ANO2: variants seen among roughly 807,000 people sequenced by gnomAD.
ANO2 encodes anoctamin-2.
A neutral mutation model predicts 124.2 loss-of-function variants in ANO2; 101 were observed. The observed-to-expected ratio is 0.81, with a 90% CI of 0.69 to 0.96. The LOEUF (loss-of-function observed/expected upper bound fraction) is 0.96. ANO2 is among the 40% of genes least tolerant of loss of function. The pLI, the probability that ANO2 is intolerant of heterozygous loss-of-function variation, is 0.00. For synonymous variants in ANO2, 486 were observed against 482.5 expected (o/e 1.01, Z -0.09); for missense variants, 1,293 against 1,274.5 (o/e 1.01, Z -0.22).
rs1386723467 is a variant in ANO2, at chr12:5,799,434, CAAA to C, written c.1055+70_1055+72del. On this transcript the variant is annotated intron_variant, in intron 10 of 24. Coordinates refer to ENST00000682330, the MANE Select transcript of ANO2 (RefSeq NM_001364791.2). Reference sequence around the variant, plus strand: ...CACTTGAGCAAAGGACTGTCAGAGTCAAAAGGTTTATGATACATCTTTCAGGAC... The same window carrying C: ...CACTTGAGCAAAGGACTGTCAGAGTCAGGTTTATGATACATCTTTCAGGAC... 6.9e-6 allele frequency: 9 copies of C among 1,312,962 alleles called. No homozygotes were observed. In the African/African-American group the frequency reaches 1.2e-4, roughly 17 times the overall value. 81.3% of individuals were successfully genotyped at this position (1,312,962 alleles called of 1,614,324 possible).
intron 3 of ANO2, among the ~76,000 whole-genome samples, chr12:5,903,160 T>C (rs1312332883): frequency 6.6e-6 from 1 of 151,720 alleles, no homozygotes; most frequent in South Asian, 2.1e-4. Context: ...TGCTGGTCTG[T>C]AAAGCCAGGC....
chr12:5,663,701 G>T (rs1397497418), intron 14 of ANO2, among the ~76,000 whole-genome samples: 1 of 152,018 alleles, frequency 6.6e-6, no homozygotes, highest in Non-Finnish European at 1.5e-5. Context: ...TCCTACTCTA[G>T]ACACCAGCCC....
intron 19 of ANO2, among the ~76,000 whole-genome samples, chr12:5,611,912 C>T (rs1944564626): frequency 6.6e-6 from 1 of 152,208 alleles, no homozygotes; most frequent in Admixed American, 6.5e-5. Flanking sequence ...TCAGTTACCC[C>T]TGGGCATCTC....
At chr12:5,780,767 A>G (rs1223834536) in intron 10 of ANO2, among the ~76,000 whole-genome samples, 1 of 152,140 alleles carries the variant, frequency 6.6e-6, no homozygotes, top group East Asian at 1.9e-4. Flanking sequence ...TCTTAAATCA[A>G]AGTTACAAGG....
chr12:5,900,511 C>G lies in ANO2; in HGVS notation c.534+20529G>C, dbSNP rs1172569328. On this transcript the variant is annotated intron_variant, in intron 3 of 24. Coordinates refer to ENST00000682330, the MANE Select transcript of ANO2 (RefSeq NM_001364791.2). The surrounding 1 kb of genome is among the most constrained non-coding windows in gnomAD (Gnocchi z 4.2). ...CGCTAATTAAAGACTCTCAAAGGTCCCTTCCAACTCTTTCTGAGTCATCGA... is the reference window on the plus strand; with the variant it reads ...CGCTAATTAAAGACTCTCAAAGGTCGCTTCCAACTCTTTCTGAGTCATCGA... 1.3e-5 allele frequency among the ~76,000 whole-genome samples: 2 copies of G among 152,106 alleles called. No individual in the cohort carries two copies. The highest frequency in any genetic ancestry group is 4.8e-5 in the African/African-American group (2 of 41,408).
chr12:5,702,733 G>C (rs1949455609), intron 14 of ANO2, among the ~76,000 whole-genome samples: 1 of 152,196 alleles, frequency 6.6e-6, no homozygotes, highest in African/African-American at 2.4e-5. Flanking sequence ...TTGCTGGATA[G>C]AGAGACATTT....
chr12:5,597,787 G>A (rs1943736538), intron 20 of ANO2, among the ~76,000 whole-genome samples: 1 of 152,206 alleles, frequency 6.6e-6, no homozygotes, highest in Admixed American at 6.5e-5. Flanking sequence ...TTCTGGGTGA[G>A]AGAATGGCAG....
intron 3 of ANO2, among the ~76,000 whole-genome samples, chr12:5,897,682 G>C (rs924281267): frequency 6.6e-6 from 1 of 151,222 alleles, no homozygotes; most frequent in African/African-American, 2.4e-5. Context: ...GGGTTAATGG[G>C]ATATCAAAGT....
At chr12:5,664,985 C>T (rs1467428136) in intron 14 of ANO2, among the ~76,000 whole-genome samples, 1 of 152,142 alleles carries the variant, frequency 6.6e-6, no homozygotes, top group Non-Finnish European at 1.5e-5. Context: ...GACCTAAGAC[C>T]AGGACAAGGA....
At chr12:5,588,166 C>T (rs1943214537) in intron 20 of ANO2, among the ~76,000 whole-genome samples, 1 of 151,826 alleles carries the variant, frequency 6.6e-6, no homozygotes, top group Non-Finnish European at 1.5e-5. Context: ...ATGGGCCCTT[C>T]TGGAACGGGG....
chr12:5,623,538 C>T (rs935825957), intron 16 of ANO2, among the ~76,000 whole-genome samples: 1 of 152,152 alleles, frequency 6.6e-6, no homozygotes, highest in African/African-American at 2.4e-5. Flanking sequence ...CAGCTGTAAA[C>T]TGCCTTGGAA....
chr12:5,768,537 C>T (rs1451933772), intron 10 of ANO2, among the ~76,000 whole-genome samples: 2 of 152,150 alleles, frequency 1.3e-5, no homozygotes, highest in Non-Finnish European at 2.9e-5. Flanking sequence ...TTCTCAAGAC[C>T]CACAATTCAG....
chr12:5,795,158 C>A (rs1202397967), intron 10 of ANO2, among the ~76,000 whole-genome samples: 1 of 152,218 alleles, frequency 6.6e-6, no homozygotes, highest in Non-Finnish European at 1.5e-5. Context: ...GGAGGGAGAT[C>A]CCATTCGTGG....
At chr12:5,609,978 T>A (rs144340329) in intron 19 of ANO2, among the ~76,000 whole-genome samples, 4 of 142,808 alleles carry the variant, frequency 2.8e-5, no homozygotes, top group South Asian at 4.3e-4. Flanking sequence ...TGTATAAATA[T>A]ATGCATTTAT....
At chr12:5,883,608 GC>G (rs1591739005) in intron 3 of ANO2, among the ~76,000 whole-genome samples, 1 of 151,580 alleles carries the variant, frequency 6.6e-6, no homozygotes, top group African/African-American at 2.4e-5. Context: ...TTGAGAGGTG[GC>G]CCCCATGGAG....
At position 5,599,513 on chromosome 12, in the gene ANO2, G is replaced by A; in HGVS notation, c.2204C>T (p.Thr735Ile). 6.2e-7 allele frequency: 1 copy of A among 1,612,526 alleles called. No individual in the cohort carries two copies. The highest frequency in any genetic ancestry group is 8.5e-7 in the Non-Finnish European group (1 of 1,179,570). ...WDLDYSLEPY[T>I]GLTPEYMEMI... ...TTCCATGTACTCCGGAGTCAGTCCT[G>A]TGTATGGTTCCAAGCTGTAGTCTAG... The change falls in exon 20 of 25, where the codon ACA becomes ATA. Residue 735 changes from threonine to isoleucine, a missense_variant. Transcript: ENST00000682330.
At chr12:5,827,932 GC>G in intron 6 of ANO2, 112 bp from the exon 7 acceptor site, 1 of 1,199,750 alleles carries the variant, frequency 8.3e-7, no homozygotes, top group Non-Finnish European at 1.2e-6. Context: ...CTCATTTGGA[GC>G]CAGGACGAAG....
intron 14 of ANO2, among the ~76,000 whole-genome samples, chr12:5,720,942 C>T (rs1171888686): frequency 1.3e-5 from 2 of 152,174 alleles, no homozygotes; most frequent in Non-Finnish European, 2.9e-5. Context: ...ACCAGGGCCC[C>T]CCATCTGATG....
intron 10 of ANO2, among the ~76,000 whole-genome samples, chr12:5,757,213 A>G (rs1166087985): frequency 6.6e-6 from 1 of 152,078 alleles, no homozygotes; most frequent in Non-Finnish European, 1.5e-5. Context: ...GGGACTTTCT[A>G]TTTTGCCATC....
Sources: allele counts gnomAD v4.1 joint callset (sites outside exome capture counted in the v4.1 genomes callset), GRCh38; gene constraint gnomAD v4.1.1; non-coding constraint Gnocchi (gnomAD v3.1); transcripts MANE v1.5; gene names NCBI Gene and HGNC (gene_info 2026-07-23, HGNC 2026-07-21).